The following TMPRSS6 variants were observed in gnomAD, a reference collection of about 807,000 sequenced individuals.
The protein encoded by TMPRSS6 is transmembrane protease serine 6.
In TMPRSS6, 67 loss-of-function variants were observed where a neutral mutation model predicts 101.5. That is an observed-to-expected ratio of 0.66 (90% CI 0.54 to 0.81). The LOEUF (loss-of-function observed/expected upper bound fraction) is 0.81. Ranked by LOEUF, TMPRSS6 falls within the 30% of genes least tolerant of loss-of-function variation. The probability of loss-of-function intolerance (pLI) is 0.00; values close to 1 mark genes in which losing one functional copy is unlikely to be tolerated. For synonymous variants in TMPRSS6, 453 were observed against 464.9 expected (o/e 0.97, Z 0.33); for missense variants, 1,034 against 1,088.7 (o/e 0.95, Z 0.71).
Position 37,072,414 on chromosome 22 carries a change from ATGATGGAT to A in TMPRSS6, c.1555+1110_1555+1117del, listed in dbSNP as rs1349604543. On this transcript the variant is annotated intron_variant, in intron 13 of 17. Coordinates refer to ENST00000676104, the MANE Select transcript of TMPRSS6 (RefSeq NM_001374504.1). ...GGATCGATGGATGATGGATGGATGG[ATGATGGAT>A]TGATGGATTGATGGATGATGGATGG... Among the ~76,000 whole-genome samples the A allele has an allele frequency of 2.2e-3, 298 of 136,690 alleles. 4 individuals are homozygous for A. The highest frequency in any genetic ancestry group is 8.1e-3 in the African/African-American group (287 of 35,364). The allele number at this position is 136,690 out of a possible 152,430, so 89.7% of individuals were successfully genotyped here.
chr22:37,094,428 T>TAGATAGATAGATAGATAGAG (rs1555891517), intron 6 of TMPRSS6, among the ~76,000 whole-genome samples: 2 of 136,128 alleles, frequency 1.5e-5, no homozygotes, highest in African/African-American at 3.0e-5. Context: ...GATAGATAGA[T>TAGATAGATAGATAGATAGAG]ATAAACAGAC....
Position 37,084,727 on chromosome 22 carries a change from C to A in TMPRSS6, c.1086G>T (p.Thr362=), listed in dbSNP as rs976867694. ...SPQTHCSWHL[T]VPSLDYGLAL... is the part of the protein sequence containing the mutation. ...GTGGGCAGGCAGGGTGGGGTCTCAC[C>A]GTGAGGTGCCAGGAGCAGTGGGTTT... Residue 362 remains threonine, a splice_region_variant and synonymous_variant, in exon 9 of 18, where the codon ACG becomes ACT. Transcript: ENST00000676104. 2 of 1,559,136 alleles carry A rather than the reference C, an allele frequency of 1.3e-6. No individual in the cohort carries two copies. The highest frequency in any genetic ancestry group is 1.4e-5 in the African/African-American group (1 of 73,824).
chr22:37,076,006 A>G (rs1209444961), intron 10 of TMPRSS6, among the ~76,000 whole-genome samples: 1 of 150,170 alleles, frequency 6.7e-6, no homozygotes, highest in African/African-American at 2.5e-5. Flanking sequence ...AAAGGAAGAA[A>G]GAAAGAAAGA....
In TMPRSS6 at chr22:37,089,772, G is replaced by A. The variant is rs1410377389; in HGVS notation, c.642C>T (p.Arg214=). 3.7e-6 allele frequency: 6 copies of A among 1,612,184 alleles called. No individual in the cohort carries two copies. The highest frequency in any genetic ancestry group is 1.3e-5 in the African/African-American group (1 of 74,932). The change falls in exon 7 of 18, where the codon CGC becomes CGT. Residue 214 remains arginine, a synonymous_variant. Transcript: ENST00000676104. ...CCTGGCCCTGGCCCACGTAGCTGTA[G>A]CGGTAACAACCTGGAGCGGGGAGAG... ...AALNSTLGCY[R]YSYVGQGQVL...
In TMPRSS6 at chr22:37,102,171, T is replaced by A. The variant is rs574938599; in HGVS notation, c.202+1045A>T. Among the ~76,000 whole-genome samples, 65 of 152,378 alleles carry A rather than the reference T, an allele frequency of 4.3e-4. No individual in the cohort carries two copies. In the South Asian group the frequency reaches 0.013, roughly 31 times the overall value. Reference sequence around the variant, plus strand: ...ATTCAGCCAGTAAGAGCACTAGCTATCCTTTGCAGGATGTTTAATGGGATG... The same window carrying A: ...ATTCAGCCAGTAAGAGCACTAGCTAACCTTTGCAGGATGTTTAATGGGATG... On this transcript the variant is annotated intron_variant, in intron 2 of 17. Transcript: ENST00000676104.
chr22:37,100,327 T>A (rs1489402185), intron 2 of TMPRSS6, among the ~76,000 whole-genome samples: 1 of 152,242 alleles, frequency 6.6e-6, no homozygotes, highest in Non-Finnish European at 1.5e-5. Flanking sequence ...ATGGTCCCTC[T>A]GCTGTTGAGA....
Position 37,103,657 on chromosome 22 carries a change from C to CTA in TMPRSS6, c.-1-240_-1-239insTA. ...GCTGGACTGGGTCTGGCTCAAGAAC[C>CTA]CCACCTTTGCTTCCCACTGGCTTCC... On this transcript the variant is annotated intron_variant, in intron 1 of 17. Transcript: ENST00000676104. This position sits in a 1 kb window ranked among gnomAD's most constrained non-coding sequence, Gnocchi z 4.4. 6.8e-7 allele frequency: 1 copy of CTA among 1,472,166 alleles called. No individual in the cohort carries two copies. Among genetic ancestry groups the CTA allele is most frequent in the Non-Finnish European group, 9.4e-7 (1 of 1,062,948 alleles). 91.2% of individuals were successfully genotyped at this position (1,472,166 alleles called of 1,614,324 possible). A position where few individuals can be genotyped will look rare whatever the true frequency, so the allele number is the denominator to read the frequency against.
intron 10 of TMPRSS6, among the ~76,000 whole-genome samples, chr22:37,079,323 C>G (rs1331436468): frequency 6.6e-6 from 1 of 152,224 alleles, no homozygotes; most frequent in Admixed American, 6.5e-5. Flanking sequence ...CTTGCTTCCT[C>G]ACCTCTCTGG....
intron 10 of TMPRSS6, among the ~76,000 whole-genome samples, chr22:37,082,064 A>C (rs1183313037): frequency 2.0e-5 from 3 of 152,138 alleles, no homozygotes; most frequent in Non-Finnish European, 4.4e-5. Context: ...TGCATCAGGG[A>C]GGGAGGAGGG....
chr22:37,102,762 T>A (rs1011330909), intron 2 of TMPRSS6, among the ~76,000 whole-genome samples: 1 of 152,092 alleles, frequency 6.6e-6, no homozygotes, highest in Non-Finnish European at 1.5e-5. Flanking sequence ...GAGGAGAACC[T>A]AGGCTAGGCT....
chr22:37,091,316 A>G (rs1435780043), intron 6 of TMPRSS6, among the ~76,000 whole-genome samples: 1 of 152,216 alleles, frequency 6.6e-6, no homozygotes, highest in Non-Finnish European at 1.5e-5. Flanking sequence ...CTGAGTTTTC[A>G]GTCTGTTTTC....
chr22:37,066,225 C>T lies in TMPRSS6; in HGVS notation c.2264G>A (p.Gly755Asp), dbSNP rs753928247. ...ACTGAGTGCCTTGCACACCAGCGGA[C>T]CACCTGAGTCACCCTGAAAGGGGGA... ...KKDACQGDSG[G>D]PLVCKALSGR... The change falls in exon 18 of 18, where the codon GGT (glycine) becomes GAT (aspartate). Residue 755 changes from glycine (G) to aspartate (D), a missense_variant. By Grantham distance (94) the Gly-to-Asp change is moderately conservative. Transcript: ENST00000676104. The T allele has an allele frequency of 1.4e-5, 22 of 1,611,428 alleles. 3 individuals carry two copies. In the Admixed American group the frequency reaches 2.2e-4, roughly 16 times the overall value.
At chr22:37,084,915 C>T in intron 8 of TMPRSS6, 76 bp from the exon 9 acceptor site, 1 of 1,106,688 alleles carries the variant, frequency 9.0e-7, no homozygotes, top group Non-Finnish European at 1.3e-6. Flanking sequence ...CTTGTAACCC[C>T]ACCACCCCTA....
At chr22:37,073,956 C>T (rs573189172) in intron 12 of TMPRSS6, among the ~76,000 whole-genome samples, 37 of 152,210 alleles carry the variant, frequency 2.4e-4, no homozygotes, top group African/African-American at 8.7e-4. Context: ...ACCATGTTGG[C>T]CAGGCTGATC....
rs137853123 is a variant in TMPRSS6 at position 37,070,557 on chromosome 22, G to A, written c.1768C>T (p.Arg590Ter). The A allele has an allele frequency of 4.5e-5, 73 of 1,613,162 alleles. No individual in the cohort carries two copies. The highest frequency in any genetic ancestry group is 5.4e-5 in the Non-Finnish European group (64 of 1,180,018). ...PWQASLQVRG[R>*]HICGGALIAD... ...ATGAGGGCCCCCCCACAGATGTGTC[G>A]ACCCCGAACCTGGAGGCTGGCCTGC... The change falls in exon 15 of 18, where the codon CGA (arginine) becomes TGA (stop). Residue 590 changes from arginine to a stop codon, truncating the protein, a stop_gained. Transcript: ENST00000676104. LOFTEE classifies it high-confidence loss of function.
intron 10 of TMPRSS6, among the ~76,000 whole-genome samples, chr22:37,079,009 G>GAA (rs764077580): frequency 6.6e-6 from 1 of 151,752 alleles, no homozygotes. Context: ...AAGAAAGAAA[G>GAA]AAAGAAAGAG....
rs575312901 is a variant in TMPRSS6, at chr22:37,101,141, G to A, written c.202+2075C>T. On this transcript the variant is annotated intron_variant, in intron 2 of 17. Transcript: ENST00000676104. The surrounding 1 kb of genome is among the most constrained non-coding windows in gnomAD (Gnocchi z 4.1). ...ACCCCAAGGGACACTGGGGGAGAGA[G>A]GGCATCCTTGCTGGTGCTGGGCCAT... is the stretch of plus-strand genomic sequence containing the variant. Among the ~76,000 whole-genome samples the A allele has an allele frequency of 2.0e-5, 3 of 152,224 alleles. No homozygotes were observed. The highest frequency in any genetic ancestry group is 2.9e-5 in the Non-Finnish European group (2 of 67,992).
chr22:37,095,875 C>T (rs769921801), intron 5 of TMPRSS6, 31 bp downstream of exon 5: 65 of 1,613,242 alleles, frequency 4.0e-5, no homozygotes, highest in Non-Finnish European at 4.9e-5. Flanking sequence ...CCTCATGAGG[C>T]CAACCCCACG....
At chr22:37,086,009 G>GA (rs1283712770) in intron 8 of TMPRSS6, among the ~76,000 whole-genome samples, 3 of 151,044 alleles carry the variant, frequency 2.0e-5, no homozygotes, top group African/African-American at 7.3e-5. Context: ...GAGAAGGAAG[G>GA]ACAGAGAAAG....
Sources: allele counts gnomAD v4.1 joint callset (sites outside exome capture counted in the v4.1 genomes callset), GRCh38; gene constraint gnomAD v4.1.1; non-coding constraint Gnocchi (gnomAD v3.1); transcripts MANE v1.5; gene names NCBI Gene and HGNC (gene_info 2026-07-23, HGNC 2026-07-21).